The following USP43 variants were observed in gnomAD, a reference collection of about 807,000 sequenced individuals.
The protein encoded by USP43 is ubiquitin specific peptidase 43.
In USP43, 33 loss-of-function variants were observed where a neutral mutation model predicts 90.7. The observed-to-expected ratio is 0.36, with a 90% CI of 0.28 to 0.49. The LOEUF (loss-of-function observed/expected upper bound fraction) is 0.49, where lower values mean the gene tolerates loss of function less well. Among genes scored for constraint, USP43 ranks in the 20% least tolerant of loss-of-function variants. The pLI is 0.98. For synonymous variants in USP43, 598 were observed against 615.8 expected (o/e 0.97, Z 0.43); for missense variants, 1,274 against 1,476.4 (o/e 0.86, Z 2.25).
chr17:9,687,873 T>G (rs571761758), intron 8 of USP43, among the ~76,000 whole-genome samples: 2 of 152,368 alleles, frequency 1.3e-5, no homozygotes, highest in African/African-American at 4.8e-5. Flanking sequence ...TCCACCAAAG[T>G]GCCCAAATTA....
chr17:9,675,568 G>A (rs1913714080), intron 4 of USP43, among the ~76,000 whole-genome samples: 1 of 152,170 alleles, frequency 6.6e-6, no homozygotes, highest in South Asian at 2.1e-4. Flanking sequence ...GAGCTCCTAT[G>A]TGGGGTGTCT....
intron 14 of USP43, 22 bp downstream of exon 14, chr17:9,712,154 G>T (rs527435833): frequency 6.5e-7 from 1 of 1,529,520 alleles, no homozygotes; most frequent in Non-Finnish European, 8.8e-7. Flanking sequence ...AAATGTGCTT[G>T]GTTGATTTTC....
At chr17:9,697,198 C>T (rs560347498) in intron 9 of USP43, among the ~76,000 whole-genome samples, 73 of 152,180 alleles carry the variant, frequency 4.8e-4, no homozygotes, top group Non-Finnish European at 9.0e-4. Context: ...GCCTGGGCAA[C>T]AGAGCGAGAC....
chr17:9,658,384 A>C (rs908456426), intron 2 of USP43, among the ~76,000 whole-genome samples: 1 of 152,200 alleles, frequency 6.6e-6, no homozygotes, highest in Non-Finnish European at 1.5e-5. Context: ...AAAGGAAAAC[A>C]TAACTATATA....
chr17:9,658,619 G>A (rs939857969), intron 2 of USP43, among the ~76,000 whole-genome samples: 1 of 152,134 alleles, frequency 6.6e-6, no homozygotes, highest in Non-Finnish European at 1.5e-5. Flanking sequence ...GGTTTCTCTG[G>A]GTTTTGAGAT....
chr17:9,688,854 CT>C (rs1490650939), intron 8 of USP43, among the ~76,000 whole-genome samples: 1 of 151,762 alleles, frequency 6.6e-6, no homozygotes, highest in Non-Finnish European at 1.5e-5. Flanking sequence ...ACCCAGCTAA[CT>C]TTTTTTTGTT....
At chr17:9,705,196 A>G (rs527850981) in intron 12 of USP43, among the ~76,000 whole-genome samples, 16 of 151,500 alleles carry the variant, frequency 1.1e-4, no homozygotes, top group African/African-American at 2.9e-4. Flanking sequence ...AATTGTGAGT[A>G]TATTTTTCTA....
chr17:9,697,730 A>G (rs1053251276), intron 9 of USP43, among the ~76,000 whole-genome samples: 5 of 150,896 alleles, frequency 3.3e-5, no homozygotes, highest in Admixed American at 6.6e-5. Context: ...TCTTTATCCA[A>G]TCCACCATTG....
chr17:9,696,954 C>T (rs545972694), intron 9 of USP43, among the ~76,000 whole-genome samples: 10 of 152,390 alleles, frequency 6.6e-5, no homozygotes, highest in Admixed American at 5.2e-4. Flanking sequence ...CGGTGGCTCA[C>T]GCCTATAATC....
chr17:9,680,013 A>AT (rs58054610), intron 5 of USP43, among the ~76,000 whole-genome samples: 30,903 of 131,830 alleles, frequency 0.23, 3,998 homozygotes, highest in East Asian at 0.54. Flanking sequence ...TAAAACTTAG[A>AT]TTTTTTTTTT....
chr17:9,703,177 AT>A (rs759991039), intron 12 of USP43, among the ~76,000 whole-genome samples: 4,040 of 143,484 alleles, frequency 0.028, 143 homozygotes, highest in African/African-American at 0.089. Flanking sequence ...TGTTACTCAG[AT>A]TTTTTTTTTT....
chr17:9,685,061 T>C (rs1220329262), intron 7 of USP43, among the ~76,000 whole-genome samples: 2 of 152,206 alleles, frequency 1.3e-5, no homozygotes, highest in African/African-American at 4.8e-5. Context: ...TAAGCAAGCA[T>C]TGTTTAAATA....
chr17:9,652,212 C>CAAAAAAAAAAAAAA (rs769295315), intron 1 of USP43, among the ~76,000 whole-genome samples: 6 of 42,698 alleles, frequency 1.4e-4, no homozygotes, highest in African/African-American at 5.4e-4. Flanking sequence ...GCCCTTAGCG[C>CAAAAAAAAAAAAAA]AAAAAAAAAA....
intron 13 of USP43, 38 bp downstream of exon 13, chr17:9,710,152 G>A: frequency 7.2e-7 from 1 of 1,393,934 alleles, no homozygotes; most frequent in Middle Eastern, 2.7e-4. Context: ...GGGGTGTGGG[G>A]AAGTCACTTT....
At chr17:9,676,717 T>TAA in intron 4 of USP43, 29 bp from the exon 5 acceptor site, 1 of 1,606,464 alleles carries the variant, frequency 6.2e-7, no homozygotes, top group Non-Finnish European at 8.5e-7. Context: ...GTCAGTCCTT[T>TAA]AAGGGTGTTG....
chr17:9,658,920 A>G (rs542071292), intron 2 of USP43, among the ~76,000 whole-genome samples: 133 of 152,094 alleles, frequency 8.7e-4, no homozygotes, highest in Non-Finnish European at 1.7e-3. Context: ...TAGTCTTTAG[A>G]GCTTGGGATT....
chr17:9,664,073 A>G (rs565288829), intron 2 of USP43, among the ~76,000 whole-genome samples: 2 of 152,326 alleles, frequency 1.3e-5, no homozygotes, highest in Non-Finnish European at 1.5e-5. Flanking sequence ...ATTCTAGGGA[A>G]ACTGGGTGTC....
chr17:9,668,469 A>C (rs1031737508), intron 3 of USP43, among the ~76,000 whole-genome samples: 2 of 152,232 alleles, frequency 1.3e-5, no homozygotes, highest in Non-Finnish European at 2.9e-5. Context: ...CTGTCTTTAG[A>C]GGCTGATTGT....
chr17:9,652,773 A>T (rs1437002172), intron 1 of USP43, among the ~76,000 whole-genome samples: 3 of 152,232 alleles, frequency 2.0e-5, no homozygotes, highest in Non-Finnish European at 4.4e-5. Flanking sequence ...GACAAAGAAC[A>T]ATGTTCACTG....
Sources: gnomAD v4.1 joint callset for allele counts (sites outside exome capture counted in the v4.1 genomes callset) on GRCh38, gnomAD v4.1.1 for gene constraint, MANE v1.5 for transcripts, NCBI Gene and HGNC (gene_info 2026-07-23, HGNC 2026-07-21) for gene names.